The following MIA2 variants were observed in gnomAD, a reference collection of about 807,000 sequenced individuals.
The protein encoded by MIA2 is MIA SH3 domain ER export factor 2.
Under a neutral mutation model 167.8 loss-of-function variants are expected in MIA2, and 127 were observed. The observed-to-expected ratio is 0.76, with a 90% CI of 0.66 to 0.88. The LOEUF (loss-of-function observed/expected upper bound fraction) is 0.88, where lower values mean the gene tolerates loss of function less well. MIA2 is among the 40% of genes least tolerant of loss of function. MIA2 has a pLI of 0.00. For missense variants in MIA2, 1,690 were observed against 1,624.7 expected, an observed-to-expected ratio of 1.04 and a Z score of -0.69; for synonymous variants, 552 against 541.9, an observed-to-expected ratio of 1.02 and a Z score of -0.26.
In MIA2 at chr14:39,247,981, C is replaced by T. The variant is rs748366438; in HGVS notation, c.1407C>T (p.Asn469=). ...TGTATAATTTTGACAACCCTTGGAA[C>T]TTCCAGAACATTCCAAAGGAAACAG... ...KFLYNFDNPW[N]FQNIPKETEL... The change falls in exon 4 of 29, where the codon AAC becomes AAT. Residue 469 remains asparagine (N), a synonymous_variant. Coordinates refer to ENST00000640607, the MANE Select transcript of MIA2 (RefSeq NM_001329214.4). 6.3e-7 allele frequency: 1 copy of T among 1,591,222 alleles called. No homozygotes were observed. The highest frequency in any genetic ancestry group is 8.5e-7 in the Non-Finnish European group (1 of 1,174,412).
At chr14:39,301,031 C>CACACAT (rs2062390381) in intron 14 of MIA2, among the ~76,000 whole-genome samples, 57 of 84,098 alleles carry the variant, frequency 6.8e-4, no homozygotes, top group African/African-American at 2.7e-3. Flanking sequence ...CACATATATA[C>CACACAT]ATATACATAC....
At chr14:39,243,546 A>ATT (rs912770275) in intron 3 of MIA2, among the ~76,000 whole-genome samples, 9 of 152,180 alleles carry the variant, frequency 5.9e-5, no homozygotes, top group Non-Finnish European at 1.3e-4. Flanking sequence ...TTTGATCACA[A>ATT]TTTTACGTGA....
intron 17 of MIA2, among the ~76,000 whole-genome samples, chr14:39,306,154 T>C (rs2063312329): frequency 3.9e-5 from 6 of 152,190 alleles, no homozygotes; most frequent in Admixed American, 3.9e-4. Flanking sequence ...GATAGTTACG[T>C]ACAATTTCCT....
intron 25 of MIA2, among the ~76,000 whole-genome samples, chr14:39,332,449 G>C (rs2069126075): frequency 6.6e-6 from 1 of 152,098 alleles, no homozygotes; most frequent in Admixed American, 6.6e-5. Context: ...CTGTCCATTT[G>C]TCGAACTCAT....
intron 24 of MIA2, among the ~76,000 whole-genome samples, chr14:39,325,442 A>T (rs952894786): frequency 9.8e-5 from 14 of 142,936 alleles, no homozygotes; most frequent in African/African-American, 3.7e-4. Context: ...ATCTTGGCTC[A>T]CTGCAACCTC....
At chr14:39,356,590 C>G (rs2074533348) in intron 23 of MIA2, among the ~76,000 whole-genome samples, 1 of 152,148 alleles carries the variant, frequency 6.6e-6, no homozygotes, top group Admixed American at 6.5e-5. Flanking sequence ...TTCTTGCCGT[C>G]TGCTGGCTTT....
chr14:39,365,961 TG>T (rs1303310810), intron 23 of MIA2, among the ~76,000 whole-genome samples: 1 of 152,220 alleles, frequency 6.6e-6, no homozygotes, highest in Non-Finnish European at 1.5e-5. Context: ...TCTGATTTTT[TG>T]TATTGGCTTT....
In MIA2 at chr14:39,247,089, C is replaced by A. The variant is rs200655934; in HGVS notation, c.515C>A (p.Thr172Asn). The A allele has an allele frequency of 8.5e-5, 136 of 1,607,908 alleles. 1 individual carries two copies. In the East Asian group the frequency reaches 2.7e-3, roughly 31 times the overall value. The change falls in exon 4 of 29, where the codon ACT becomes AAT. Residue 172 changes from threonine to asparagine, a missense_variant. Thr to Asn is a moderately conservative substitution (Grantham distance 65, BLOSUM62 0). Transcript: ENST00000640607. ...GGATTTTATGCAACTTATGAAAGTA[C>A]TTTGTTTGAAGACCAAGTTCCAGCA... Reference protein sequence around the residue: ...EPGFYATYESTLFEDQVPALE... With the variant: ...EPGFYATYESNLFEDQVPALE...
At chr14:39,381,636 T>C (rs2075163240) in intron 23 of MIA2, among the ~76,000 whole-genome samples, 1 of 151,538 alleles carries the variant, frequency 6.6e-6, no homozygotes, top group Non-Finnish European at 1.5e-5. Flanking sequence ...ATAAAGTCCC[T>C]GTGTAGTCAA....
chr14:39,273,043 A>G (rs1212560441), intron 6 of MIA2, among the ~76,000 whole-genome samples: 2 of 151,996 alleles, frequency 1.3e-5, no homozygotes, highest in Non-Finnish European at 2.9e-5. Context: ...TAGTTTTTCT[A>G]TAGGTTCTTT....
chr14:39,252,711 A>C lies in MIA2; in HGVS notation c.1568-37A>C, dbSNP rs750431939. Reference sequence around the variant, plus strand: ...AAGGGGAGCCCTCAACAAAGCAAGTATTTTGGAAAAACACATTTCTTTTTA... The same window carrying C: ...AAGGGGAGCCCTCAACAAAGCAAGTCTTTTGGAAAAACACATTTCTTTTTA... On this transcript the variant is annotated intron_variant, in intron 4 of 28. Transcript: ENST00000640607. 3 of 1,524,796 alleles carry C rather than the reference A, an allele frequency of 2.0e-6. No homozygotes were observed. In the African/African-American group the frequency reaches 4.1e-5, roughly 21 times the overall value. 94.5% of individuals were successfully genotyped at this position (1,524,796 alleles called of 1,614,324 possible).
chr14:39,303,511 T>C lies in MIA2; in HGVS notation c.2774T>C (p.Ile925Thr), dbSNP rs751433875. ...CCAAAAGGAGCTTTGAAGAAACTGA[T>C]TCATGCTGCTAAGGTTTGTGCTATT... ...NPPKGALKKL[I>T]HAAKLNASLK... The change falls in exon 16 of 29, where the codon ATT (isoleucine) becomes ACT (threonine). Residue 925 changes from isoleucine (I) to threonine (T), a missense_variant. Coordinates refer to ENST00000640607, the MANE Select transcript of MIA2 (RefSeq NM_001329214.4). 1 of 1,610,912 alleles carries C rather than the reference T, an allele frequency of 6.2e-7. No homozygotes were observed. Among genetic ancestry groups the C allele is most frequent in the East Asian group, 2.2e-5 (1 of 44,708 alleles).
chr14:39,379,092 A>T (rs956692090), intron 23 of MIA2, among the ~76,000 whole-genome samples: 3 of 152,182 alleles, frequency 2.0e-5, no homozygotes, highest in Non-Finnish European at 4.4e-5. Flanking sequence ...AATTTTAATC[A>T]TCTCGACCAT....
chr14:39,255,320 C>A (rs1301109155), intron 6 of MIA2, among the ~76,000 whole-genome samples: 1 of 152,062 alleles, frequency 6.6e-6, no homozygotes, highest in Admixed American at 6.6e-5. Flanking sequence ...CCAACCTGGC[C>A]AACATGGTGA....
chr14:39,329,642 T>C (rs1431642766), intron 25 of MIA2, among the ~76,000 whole-genome samples: 1 of 131,550 alleles, frequency 7.6e-6, no homozygotes, highest in East Asian at 2.3e-4. Context: ...CATCACTACC[T>C]AGTTTATTGA....
At chr14:39,288,402 A>G (rs978615955) in intron 9 of MIA2, among the ~76,000 whole-genome samples, 1 of 142,572 alleles carries the variant, frequency 7.0e-6, no homozygotes, top group Non-Finnish European at 1.5e-5. Flanking sequence ...GATGTATCAC[A>G]TTAATTGATT....
At chr14:39,329,329 A>T (rs1362837550) in intron 25 of MIA2, among the ~76,000 whole-genome samples, 1 of 152,210 alleles carries the variant, frequency 6.6e-6, no homozygotes, top group Admixed American at 6.5e-5. Flanking sequence ...ACTTTGCTGA[A>T]GTTGCTTATT....
chr14:39,288,473 A>ATTTTTTTTTTT (rs1338351779), intron 9 of MIA2, among the ~76,000 whole-genome samples: 1 of 51,414 alleles, frequency 1.9e-5, no homozygotes, highest in Admixed American at 3.7e-4. Flanking sequence ...ATATATATAT[A>ATTTTTTTTTTT]TATTTTTTTT....
chr14:39,314,982 T>C, intron 20 of MIA2, 183 bp downstream of exon 20: 1 of 464,142 alleles, frequency 2.2e-6, no homozygotes, highest in Non-Finnish European at 3.6e-6. Context: ...TAAGAAATCT[T>C]ATTTAAAATT....
Sources: gnomAD v4.1 joint callset for allele counts (sites outside exome capture counted in the v4.1 genomes callset) on GRCh38, gnomAD v4.1.1 for gene constraint, MANE v1.5 for transcripts, NCBI Gene and HGNC (gene_info 2026-07-23, HGNC 2026-07-21) for gene names.